The following TET2 variants were observed in gnomAD, a reference collection of about 807,000 sequenced individuals.
The protein encoded by TET2 is tet methylcytosine dioxygenase 2, also known as methylcytosine dioxygenase TET2.
TET2 carries 299 observed loss-of-function variants against 142.9 expected under a neutral mutation model. The ratio of observed to expected loss-of-function variants is 2.09; its 90% confidence interval spans 1.90 to 2.30. The LOEUF (loss-of-function observed/expected upper bound fraction) is 2.30, where lower values mean the gene tolerates loss of function less well. TET2 is among the 30% of genes most tolerant of loss of function. TET2 has a pLI of 0.00. For synonymous variants in TET2, 819 were observed against 849.0 expected (o/e 0.96, Z 0.61); for missense variants, 2,418 against 2,378.0 (o/e 1.02, Z -0.35).
chr4:105,234,420 G>A lies in TET2; in HGVS notation c.478G>A (p.Val160Ile), dbSNP rs763272294. The A allele has an allele frequency of 1.6e-5, 26 of 1,613,998 alleles. No individual in the cohort carries two copies. The South Asian group carries it at 2.6e-4, about 16-fold the overall frequency. The change falls in exon 3 of 11, where the codon GTT becomes ATT. Residue 160 changes from valine to isoleucine, a missense_variant. By Grantham distance (29) the Val-to-Ile change is conservative. Transcript: ENST00000380013. Reference sequence around the variant, plus strand: ...GAGTTCTGTAGCCCAAGAAAATGCAGTTAAAGATTTCACCAGTTTTTCAAC... The same window carrying A: ...GAGTTCTGTAGCCCAAGAAAATGCAATTAAAGATTTCACCAGTTTTTCAAC... ...SVSSVAQENA[V>I]KDFTSFSTHN... is the part of the protein sequence containing the mutation.
intron 8 of TET2, among the ~76,000 whole-genome samples, chr4:105,263,738 A>C (rs748398533): frequency 1.3e-4 from 20 of 152,268 alleles, no homozygotes; most frequent in Non-Finnish European, 2.2e-4. Flanking sequence ...TTCAAAGTAG[A>C]GATTATAAAG....
chr4:105,239,596 G>A (rs1729178858), intron 3 of TET2: 1 of 239,390 alleles, frequency 4.2e-6, no homozygotes, highest in South Asian at 1.8e-4. Context: ...CCTTGCTCTG[G>A]ATTAAGCTTT....
chr4:105,166,440 T>G (rs1416250567), intron 1 of TET2, among the ~76,000 whole-genome samples: 1 of 152,114 alleles, frequency 6.6e-6, no homozygotes, highest in African/African-American at 2.4e-5. Flanking sequence ...TCAGATTTCT[T>G]AATTATACCA....
intron 2 of TET2, among the ~76,000 whole-genome samples, chr4:105,218,676 A>G (rs1727636723): frequency 6.6e-6 from 1 of 152,020 alleles, no homozygotes; most frequent in South Asian, 2.1e-4. Context: ...ACAAACCCAC[A>G]TTTAGAACCA....
intron 2 of TET2, among the ~76,000 whole-genome samples, chr4:105,220,690 G>T: frequency 6.6e-6 from 1 of 152,132 alleles, no homozygotes; most frequent in East Asian, 1.9e-4. Flanking sequence ...GCTATTGGAC[G>T]CCCTCTGTGA....
intron 2 of TET2, among the ~76,000 whole-genome samples, chr4:105,191,248 T>G (rs1389262395): frequency 2.0e-5 from 3 of 152,188 alleles, no homozygotes; most frequent in African/African-American, 7.2e-5. Context: ...TTAATCATGT[T>G]CTTATAATTA....
intron 2 of TET2, 44 bp from the exon 3 acceptor site, chr4:105,233,851 TAG>T (rs1728657723): frequency 2.6e-6 from 2 of 767,196 alleles, no homozygotes; most frequent in East Asian, 5.5e-5. Context: ...GATAGATAGA[TAG>T]ATAGAAATAA....
chr4:105,202,796 T>C (rs1209214983), intron 2 of TET2, among the ~76,000 whole-genome samples: 1 of 152,244 alleles, frequency 6.6e-6, no homozygotes, highest in Admixed American at 6.5e-5. Flanking sequence ...CTTTCCATAG[T>C]TTTGTAATAG....
intron 6 of TET2, 77 bp from the exon 7 acceptor site, chr4:105,259,542 A>G: frequency 2.9e-6 from 4 of 1,387,750 alleles, no homozygotes; most frequent in South Asian, 1.5e-5. Flanking sequence ...CATTTTGCAT[A>G]TAGACACCTA....
At chr4:105,229,457 T>C (rs1348675921) in intron 2 of TET2, among the ~76,000 whole-genome samples, 1 of 152,072 alleles carries the variant, frequency 6.6e-6, no homozygotes, top group Admixed American at 6.5e-5. Flanking sequence ...ACTACAGGCA[T>C]GCGCCACCAT....
At chr4:105,250,379 GATTT>G (rs1423601026) in intron 6 of TET2, among the ~76,000 whole-genome samples, 1 of 75,172 alleles carries the variant, frequency 1.3e-5, no homozygotes. Context: ...TTCCTTTCTG[GATTT>G]TTTTTTTTTT....
At chr4:105,176,505 T>A (rs1724803780) in intron 1 of TET2, among the ~76,000 whole-genome samples, 1 of 152,164 alleles carries the variant, frequency 6.6e-6, no homozygotes, top group South Asian at 2.1e-4. Flanking sequence ...AATAAACAAG[T>A]GTAATTTGAA....
intron 2 of TET2, among the ~76,000 whole-genome samples, chr4:105,199,216 C>T (rs1726288565): frequency 6.6e-6 from 1 of 152,210 alleles, no homozygotes; most frequent in Non-Finnish European, 1.5e-5. Flanking sequence ...GTATCTTAAA[C>T]ATGATTACAT....
chr4:105,268,709 G>T (rs780598747), intron 8 of TET2, among the ~76,000 whole-genome samples: 1 of 152,178 alleles, frequency 6.6e-6, no homozygotes, highest in Non-Finnish European at 1.5e-5. Flanking sequence ...AGTGGCTCAC[G>T]CCTGTAATTC....
At chr4:105,231,848 C>G (rs1416300172) in intron 2 of TET2, among the ~76,000 whole-genome samples, 3 of 152,134 alleles carry the variant, frequency 2.0e-5, no homozygotes, top group Non-Finnish European at 4.4e-5. Context: ...ATTATTGGGA[C>G]TCTGAAATCT....
At chr4:105,239,203 T>G (rs1459762322) in intron 3 of TET2, 3 of 241,162 alleles carry the variant, frequency 1.2e-5, no homozygotes, top group Non-Finnish European at 2.6e-5. Context: ...CAGGGTACAC[T>G]TAGCATAATT....
At chr4:105,190,877 G>A (rs982227435) in intron 2 of TET2, among the ~76,000 whole-genome samples, 13 of 152,220 alleles carry the variant, frequency 8.5e-5, no homozygotes, top group East Asian at 1.9e-4. Context: ...TAGCCACTTC[G>A]TCTCAATCTT....
At chr4:105,264,949 C>T (rs1163738181) in intron 8 of TET2, among the ~76,000 whole-genome samples, 3 of 152,152 alleles carry the variant, frequency 2.0e-5, no homozygotes, top group Non-Finnish European at 4.4e-5. Flanking sequence ...TTAGTTGGCT[C>T]TCCACAGCAT....
chr4:105,233,762 A>C (rs1728649550), intron 2 of TET2, 135 bp from the exon 3 acceptor site: 2 of 542,482 alleles, frequency 3.7e-6, no homozygotes, highest in Non-Finnish European at 6.3e-6. Context: ...CATGAAAATA[A>C]ATATCAGTTT....
Sources: allele counts gnomAD v4.1 joint callset (sites outside exome capture counted in the v4.1 genomes callset), GRCh38; gene constraint gnomAD v4.1.1; transcripts MANE v1.5; gene names NCBI Gene and HGNC (gene_info 2026-07-23, HGNC 2026-07-21).